DCUN1D4: variants seen among roughly 807,000 people sequenced by gnomAD.
DCUN1D4 encodes the protein DCN1-like protein 4.
Under a neutral mutation model 47.9 loss-of-function variants are expected in DCUN1D4, and 22 were observed. The ratio of observed to expected loss-of-function variants is 0.46; its 90% CI spans 0.33 to 0.66. The LOEUF is 0.66. Among genes scored for constraint, DCUN1D4 ranks in the 30% least tolerant of loss-of-function variants. The probability of loss-of-function intolerance (pLI) is 0.02; values close to 1 mark genes in which losing one functional copy is unlikely to be tolerated. For missense variants in DCUN1D4, 301 were observed against 340.8 expected (o/e 0.88, Z 0.92); for synonymous variants, 121 against 112.2 (o/e 1.08, Z -0.50).
At chr4:51,866,434 T>C (rs1725929361) in intron 3 of DCUN1D4, among the ~76,000 whole-genome samples, 1 of 152,104 alleles carries the variant, frequency 6.6e-6, no homozygotes, top group South Asian at 2.1e-4. Flanking sequence ...AATACAAGTG[T>C]ACATTTATAT....
At chr4:51,876,019 T>C (rs989346749) in intron 4 of DCUN1D4, among the ~76,000 whole-genome samples, 1 of 152,194 alleles carries the variant, frequency 6.6e-6, no homozygotes, top group South Asian at 2.1e-4. Flanking sequence ...AATACAAAAC[T>C]GCTGGTTTGC....
At chr4:51,881,681 G>C (rs954844298) in intron 5 of DCUN1D4, among the ~76,000 whole-genome samples, 1 of 136,598 alleles carries the variant, frequency 7.3e-6, no homozygotes, top group African/African-American at 2.7e-5. Flanking sequence ...AAAAAAACAA[G>C]AAAAAAAAAA....
rs1734118081 is a variant in DCUN1D4, at chr4:51,914,337, T to C, written c.*753T>C. On this transcript the variant is annotated 3_prime_UTR_variant, in exon 11 of 11. Coordinates refer to ENST00000334635, the MANE Select transcript of DCUN1D4 (RefSeq NM_001040402.3). ...AATGGGATTTAAACTCTTATAAACA[T>C]TCTTTAACTTTTTTGTTTGTTTGTT... 1 of 152,152 alleles carries C rather than the reference T, an allele frequency of 6.6e-6. No individual in the cohort carries two copies. Among genetic ancestry groups the C allele is most frequent in the Non-Finnish European group, 1.5e-5 (1 of 68,006 alleles). The allele number at this position is 152,152 out of a possible 1,614,324, so 9.4% of individuals were successfully genotyped here.
At chr4:51,897,529 T>C (rs1731455424) in intron 7 of DCUN1D4, among the ~76,000 whole-genome samples, 1 of 152,170 alleles carries the variant, frequency 6.6e-6, no homozygotes, top group African/African-American at 2.4e-5. Context: ...ATGGTGACTC[T>C]TGATTCTCAT....
At chr4:51,862,414 A>G (rs1041086581) in intron 1 of DCUN1D4, among the ~76,000 whole-genome samples, 1 of 152,240 alleles carries the variant, frequency 6.6e-6, no homozygotes, top group Admixed American at 6.5e-5. Context: ...GCCCAAGCAC[A>G]GACACCTGAT....
chr4:51,838,316 A>G (rs867185498), upstream of DCUN1D4, among the ~76,000 whole-genome samples: 2 of 152,208 alleles, frequency 1.3e-5, no homozygotes, highest in Admixed American at 1.3e-4. Flanking sequence ...TTCATTATAT[A>G]GATCTATAAA....
At chr4:51,882,572 C>T (rs1728833568) in intron 5 of DCUN1D4, among the ~76,000 whole-genome samples, 1 of 152,054 alleles carries the variant, frequency 6.6e-6, no homozygotes, top group Non-Finnish European at 1.5e-5. Context: ...TCGAGACCAT[C>T]CTGGCTAACA....
upstream of DCUN1D4, chr4:51,843,111 A>G: frequency 6.9e-7 from 1 of 1,458,890 alleles, no homozygotes; most frequent in Admixed American, 2.3e-5. Context: ...CCAATGGAGA[A>G]GGCGAGATGG....
chr4:51,876,294 A>T (rs1268690744), intron 4 of DCUN1D4, among the ~76,000 whole-genome samples: 134 of 146,854 alleles, frequency 9.1e-4, no homozygotes, highest in South Asian at 1.3e-3. Context: ...GGAAACCATC[A>T]TTCTCAGCAA....
At chr4:51,867,923 C>G (rs1726228966) in intron 3 of DCUN1D4, among the ~76,000 whole-genome samples, 1 of 152,260 alleles carries the variant, frequency 6.6e-6, no homozygotes, top group Non-Finnish European at 1.5e-5. Context: ...CAAGGGGCAC[C>G]TGCAGGTCTG....
intron 8 of DCUN1D4, among the ~76,000 whole-genome samples, chr4:51,907,310 G>A (rs1022869740): frequency 6.6e-6 from 1 of 152,174 alleles, no homozygotes; most frequent in African/African-American, 2.4e-5. Flanking sequence ...AGTTCTAAGA[G>A]CACAATTAAA....
chr4:51,888,105 A>G (rs1443590787), intron 6 of DCUN1D4, among the ~76,000 whole-genome samples: 1 of 152,108 alleles, frequency 6.6e-6, no homozygotes, highest in Non-Finnish European at 1.5e-5. Context: ...TTTTCTAAAC[A>G]TGTAGTCAGA....
chr4:51,907,694 C>G (rs530543567), intron 8 of DCUN1D4, among the ~76,000 whole-genome samples: 1 of 152,222 alleles, frequency 6.6e-6, no homozygotes, highest in African/African-American at 2.4e-5. Context: ...CAGGGTTCCT[C>G]TTTTCCTCTT....
intron 9 of DCUN1D4, among the ~76,000 whole-genome samples, chr4:51,912,714 T>C (rs1195185123): frequency 6.6e-6 from 1 of 152,336 alleles, no homozygotes. Flanking sequence ...GAGTTTTGAA[T>C]TATTAGAACA....
chr4:51,888,048 T>C (rs1191519618), intron 6 of DCUN1D4, among the ~76,000 whole-genome samples: 1 of 152,094 alleles, frequency 6.6e-6, no homozygotes, highest in East Asian at 1.9e-4. Context: ...TACATTGAAT[T>C]TAAGAAGGAA....
intron 7 of DCUN1D4, among the ~76,000 whole-genome samples, chr4:51,898,601 TCCA>T (rs1237192134): frequency 6.6e-6 from 1 of 152,170 alleles, no homozygotes; most frequent in African/African-American, 2.4e-5. Flanking sequence ...ACCATAGGAA[TCCA>T]CCAATAATGG....
chr4:51,882,429 A>G (rs1053140045), intron 5 of DCUN1D4, among the ~76,000 whole-genome samples: 1 of 152,208 alleles, frequency 6.6e-6, no homozygotes, highest in Non-Finnish European at 1.5e-5. Flanking sequence ...CACCCAAGCC[A>G]TGTGCAGAGG....
chr4:51,898,069 C>T (rs1448935201), intron 7 of DCUN1D4, among the ~76,000 whole-genome samples: 1 of 152,134 alleles, frequency 6.6e-6, no homozygotes, highest in Non-Finnish European at 1.5e-5. Flanking sequence ...AGTATGTCCT[C>T]CTTGTGAGGT....
In DCUN1D4 at chr4:51,874,323, A is replaced by G. The variant is rs765187726; in HGVS notation, c.189A>G (p.Pro63=). 1.2e-5 allele frequency: 20 copies of G among 1,613,780 alleles called. No homozygotes were observed. Among genetic ancestry groups the G allele is most frequent in the African/African-American group, 2.7e-5 (2 of 74,908 alleles). The part of the protein sequence containing the change: ...SSDCFNKVMP[P]RKKRRPASGD... Reference sequence around the variant, plus strand: ...ACTGCTTTAATAAAGTGATGCCACCAAGGAAAAAGAGAAGACCTGCCTCTG... The same window carrying G: ...ACTGCTTTAATAAAGTGATGCCACCGAGGAAAAAGAGAAGACCTGCCTCTG... The change falls in exon 4 of 11, where the codon CCA becomes CCG. Residue 63 remains proline, a synonymous_variant. Transcript: ENST00000334635.
Sources: gnomAD v4.1 joint callset for allele counts (sites outside exome capture counted in the v4.1 genomes callset) on GRCh38, gnomAD v4.1.1 for gene constraint, MANE v1.5 for transcripts, NCBI Gene and HGNC (gene_info 2026-07-23, HGNC 2026-07-21) for gene names.